The following KCNH2 variants were observed in gnomAD, a reference collection of about 807,000 sequenced individuals.
KCNH2 encodes voltage-gated inwardly rectifying potassium channel KCNH2.
In KCNH2, 35 loss-of-function variants were observed where a neutral mutation model predicts 95.9. The ratio of observed to expected loss-of-function variants is 0.37; its 90% confidence interval spans 0.28 to 0.48. The LOEUF is 0.48. KCNH2 is among the 20% of genes least tolerant of loss of function. The pLI is 0.99. For missense variants in KCNH2, 1,274 were observed against 1,702.9 expected (o/e 0.75, Z 4.43); for synonymous variants, 786 against 754.7 (o/e 1.04, Z -0.68).
At chr7:150,972,957 C>G (rs1274218975) in intron 2 of KCNH2, among the ~76,000 whole-genome samples, 1 of 152,232 alleles carries the variant, frequency 6.6e-6, no homozygotes, top group Non-Finnish European at 1.5e-5. Flanking sequence ...GAGGCCAAAT[C>G]CCCAGCACAG....
rs754605400 is a variant in KCNH2, at chr7:150,977,924, T to TGGGCGGGCC, written c.-20_-12dup. The TGGGCGGGCC allele has an allele frequency of 2.8e-5, 44 of 1,576,450 alleles. 1 individual carries two copies. The highest frequency in any genetic ancestry group is 7.1e-5 in the East Asian group (3 of 42,278). The stretch of plus-strand genomic sequence containing the variant: ...CCTCCGCACCGGCATCCTGAGCCCA[T>TGGGCGGGCC]GGGCGGGCCGGGCGGGCCCCCACCC... On this transcript the variant is annotated 5_prime_UTR_variant, in exon 1 of 15. Transcript: ENST00000262186.
At position 150,957,362 on chromosome 7, in the gene KCNH2, T is replaced by A. The variant is rs760372805; in HGVS notation, c.1057A>T (p.Thr353Ser). Reference protein sequence around the residue: ...LKGDPFLASPTSDREIIAPKI... With the variant: ...LKGDPFLASPSSDREIIAPKI... ...GGTGCTATGATCTCACGGTCACTGG[T>A]GGGCGAAGCCAAGAAGGGGTCGCCC... Residue 353 changes from threonine (T) to serine (S), a missense_variant, in exon 5 of 15, where the codon ACC becomes TCC. By Grantham distance (58) the Thr-to-Ser change is moderately conservative (BLOSUM62 1). This residue lies in a region of KCNH2 where 392 missense variants were observed against 429.9 expected (regional missense o/e 0.91). Transcript: ENST00000262186. The A allele has an allele frequency of 2.5e-6, 4 of 1,613,500 alleles. No homozygotes were observed. In the South Asian group the frequency reaches 4.4e-5, roughly 18 times the overall value.
chr7:150,977,715 A>C (rs1584885630), intron 1 of KCNH2, 123 bp downstream of exon 1: 2 of 508,760 alleles, frequency 3.9e-6, no homozygotes, highest in South Asian at 4.4e-5. Context: ...CCTGGGGCCC[A>C]CCAGGCCCCA....
intron 2 of KCNH2, among the ~76,000 whole-genome samples, chr7:150,965,899 C>A (rs1801690508): frequency 6.6e-6 from 1 of 152,220 alleles, no homozygotes; most frequent in Admixed American, 6.5e-5. Flanking sequence ...CACAGCCCAC[C>A]CTTTCACAGC....
intron 6 of KCNH2, 97 bp from the exon 7 acceptor site, chr7:150,951,932 G>T: frequency 8.5e-7 from 1 of 1,176,574 alleles, no homozygotes; most frequent in Non-Finnish European, 1.2e-6. Flanking sequence ...TCAGAGGTCA[G>T]ATCCCCAAAG....
At chr7:150,956,225 G>C (rs1047743546) in intron 5 of KCNH2, among the ~76,000 whole-genome samples, 3 of 152,192 alleles carry the variant, frequency 2.0e-5, no homozygotes, top group African/African-American at 7.2e-5. Flanking sequence ...AGAGAAGCAA[G>C]GGAGGAGGAA....
chr7:150,958,652 C>T (rs1443649857), intron 3 of KCNH2, 150 bp from the exon 4 acceptor site: 2 of 546,584 alleles, frequency 3.7e-6, no homozygotes, highest in South Asian at 3.6e-5. Context: ...ATTTTGACCT[C>T]GAGTCTCAAA....
rs759079349 is a variant in KCNH2, at chr7:150,957,443, G to A, written c.976C>T (p.Arg326Cys). The change falls in exon 5 of 15, where the codon CGC (arginine) becomes TGC (cysteine). Residue 326 changes from arginine (R) to cysteine (C), a missense_variant. Physicochemically the swap from Arg to Cys is radical, Grantham distance 180. Around this residue, in one of 7 missense-constraint regions of KCNH2, gnomAD observed 392 missense variants for 429.9 expected, o/e 0.91. Coordinates refer to ENST00000262186, the MANE Select transcript of KCNH2 (RefSeq NM_000238.4). ...GGAATCTTGCTAATGGTGCGGTAGC[G>A]CACGAGGTCGGAGTCCGAGGTGGAG... ...LNSTSDSDLV[R>C]YRTISKIPQI... 9 of 1,614,206 alleles carry A rather than the reference G, an allele frequency of 5.6e-6. No homozygotes were observed. Among genetic ancestry groups the A allele is most frequent in the Admixed American group, 1.7e-5 (1 of 60,034 alleles).
chr7:150,957,947 C>T, intron 4 of KCNH2, 112 bp downstream of exon 4: 4 of 834,190 alleles, frequency 4.8e-6, no homozygotes. Flanking sequence ...TTTCCATCTC[C>T]CAGGCACCCA....
At position 150,978,095 on chromosome 7, in the gene KCNH2, C is replaced by T. The variant is rs1172415207; in HGVS notation, c.-182G>A. On this transcript the variant is annotated 5_prime_UTR_variant, in exon 1 of 15. Transcript: ENST00000262186. ...TCGCTCGGCTCCCGGCTCCCCGCTC[C>T]GGACCCCGGGCCCGGCCTGGAGCCG... 1 of 186,556 alleles carries T rather than the reference C, an allele frequency of 5.4e-6. No individual in the cohort carries two copies. The highest frequency in any genetic ancestry group is 2.4e-5 in the African/African-American group (1 of 41,696). 11.6% of individuals were successfully genotyped at this position (186,556 alleles called of 1,614,324 possible).
At chr7:150,970,390 G>A (rs1213734550) in intron 2 of KCNH2, among the ~76,000 whole-genome samples, 1 of 151,930 alleles carries the variant, frequency 6.6e-6, no homozygotes, top group Non-Finnish European at 1.5e-5. Flanking sequence ...TCCTCTCCGG[G>A]GGCTGCAGAA....
intron 2 of KCNH2, among the ~76,000 whole-genome samples, chr7:150,974,118 G>C (rs1339211243): frequency 3.3e-5 from 5 of 152,190 alleles, no homozygotes; most frequent in East Asian, 3.9e-4. Context: ...GTGGCAGGGC[G>C]GGGCGCTCGA....
In KCNH2 at chr7:150,946,572, G is replaced by A. The variant is rs887154676; in HGVS notation, c.3330+305C>T. Among the ~76,000 whole-genome samples the A allele has an allele frequency of 6.6e-6, 1 of 152,186 alleles. No homozygotes were observed. Among genetic ancestry groups the A allele is most frequent in the African/African-American group, 2.4e-5 (1 of 41,450 alleles). On this transcript the variant is annotated intron_variant, in intron 14 of 14. Transcript: ENST00000262186. This position sits in a 1 kb window ranked among gnomAD's most constrained non-coding sequence, Gnocchi z 6.5. ...CACCGTTGGAGCTGGCTCTTCAGGCGATGCTCCGGGGCCTGGCGGTGGAGG... is the reference window on the plus strand; with the variant it reads ...CACCGTTGGAGCTGGCTCTTCAGGCAATGCTCCGGGGCCTGGCGGTGGAGG...
chr7:150,954,019 T>A (rs1393154917), intron 5 of KCNH2, among the ~76,000 whole-genome samples: 6 of 152,150 alleles, frequency 3.9e-5, no homozygotes, highest in Non-Finnish European at 7.4e-5. Flanking sequence ...TGGGAGAACA[T>A]CTCCTTAGAG....
rs41314396 is a variant in KCNH2, at chr7:150,955,522, C to T, written c.1128+1769G>A. 3,573 of 1,537,330 alleles carry T rather than the reference C, an allele frequency of 2.3e-3. 73 individuals are homozygous for T. The African/African-American group carries it at 0.044, about 19-fold the overall frequency. The stretch of plus-strand genomic sequence containing the variant: ...CCGCCATGGAGGACTTGGCTCCCTG[C>T]AGCCTGCCTGCCCTGGGGCCTGAGG... On this transcript the variant is annotated intron_variant, in intron 5 of 14. Coordinates refer to ENST00000262186, the MANE Select transcript of KCNH2 (RefSeq NM_000238.4).
intron 13 of KCNH2, 79 bp from the exon 14 acceptor site, chr7:150,947,133 GGA>G (rs1800924869): frequency 1.4e-6 from 1 of 708,740 alleles, no homozygotes; most frequent in African/African-American, 1.8e-5. Flanking sequence ...AAGGGGAAGG[GGA>G]GGGGGGAGGG....
chr7:150,970,842 C>T, intron 2 of KCNH2, among the ~76,000 whole-genome samples: 1 of 152,272 alleles, frequency 6.6e-6, no homozygotes, highest in East Asian at 1.9e-4. Context: ...GTGTCTAAGC[C>T]CCATCCTCTG....
chr7:150,951,409 C>T (rs779054939), intron 7 of KCNH2, 39 bp downstream of exon 7: 12 of 1,611,698 alleles, frequency 7.4e-6, no homozygotes, highest in East Asian at 2.2e-5. Context: ...GTTCCTCCAC[C>T]GTGGGCTCTC....
At chr7:150,955,569 C>T (rs893005763) in intron 5 of KCNH2, 3 of 1,490,826 alleles carry the variant, frequency 2.0e-6, no homozygotes, top group Non-Finnish European at 1.8e-6. Flanking sequence ...GCCTCACCTG[C>T]ACCCCAGCAG....
Sources: allele counts gnomAD v4.1 joint callset (sites outside exome capture counted in the v4.1 genomes callset), GRCh38; gene constraint gnomAD v4.1.1; regional missense constraint gnomAD v4.1.1; non-coding constraint Gnocchi (gnomAD v3.1); transcripts MANE v1.5; gene names NCBI Gene and HGNC (gene_info 2026-07-23, HGNC 2026-07-21).